The following ADCY8 variants were observed in gnomAD, a reference collection of about 807,000 sequenced individuals.
ADCY8 encodes adenylate cyclase type 8.
ADCY8 carries 51 observed loss-of-function variants against 119.7 expected under a neutral mutation model. That is an observed-to-expected ratio of 0.43 (90% CI 0.34 to 0.54). The LOEUF (loss-of-function observed/expected upper bound fraction) is 0.54. ADCY8 is among the 20% of genes least tolerant of loss of function. The pLI is 0.03. For synonymous variants in ADCY8, 665 were observed against 651.0 expected, an observed-to-expected ratio of 1.02 and a Z score of -0.33; for missense variants, 1,383 against 1,598.8, an observed-to-expected ratio of 0.87 and a Z score of 2.30.
At chr8:130,896,256 C>T (rs543616159) in intron 7 of ADCY8, among the ~76,000 whole-genome samples, 4 of 152,250 alleles carry the variant, frequency 2.6e-5, no homozygotes, top group Non-Finnish European at 4.4e-5. Flanking sequence ...GCCCCACCTT[C>T]GTCTCTATCC....
rs1415248233 is a variant in ADCY8, at chr8:130,840,480, A to G, written c.2503-4031T>C. 2.1e-5 allele frequency among the ~76,000 whole-genome samples: 2 copies of G among 96,204 alleles called. 1 individual carries two copies. The highest frequency in any genetic ancestry group is 7.5e-4 in the East Asian group (2 of 2,662). The allele number at this position is 96,204 out of a possible 152,430, so 63.1% of individuals were successfully genotyped here. On this transcript the variant is annotated intron_variant, in intron 11 of 17. Transcript: ENST00000286355. ...TGAAGAAACATGTGCCCGAAGAATA[A>G]AGAGCTCTATATACAAGAGTTTTCA...
In ADCY8 at chr8:130,967,524, T is replaced by C. The variant is rs1821797533; in HGVS notation, c.1111-15526A>G. 2.0e-5 allele frequency among the ~76,000 whole-genome samples: 3 copies of C among 152,182 alleles called. No homozygotes were observed. The South Asian group carries it at 6.2e-4, about 32-fold the overall frequency. ...TAAATGACAAAGCTCCTTATGAAAATGCTCCTTATAAAGGTGATTAGAAAA... is the reference window on the plus strand; with the variant it reads ...TAAATGACAAAGCTCCTTATGAAAACGCTCCTTATAAAGGTGATTAGAAAA... On this transcript the variant is annotated intron_variant, in intron 2 of 17. Coordinates refer to ENST00000286355, the MANE Select transcript of ADCY8 (RefSeq NM_001115.3).
intron 7 of ADCY8, among the ~76,000 whole-genome samples, chr8:130,889,996 T>G (rs1254097365): frequency 6.6e-6 from 1 of 152,108 alleles, no homozygotes; most frequent in African/African-American, 2.4e-5. Context: ...TGATTGTTTC[T>G]CTAGACTATG....
intron 11 of ADCY8, among the ~76,000 whole-genome samples, chr8:130,845,096 T>C (rs1056898188): frequency 1.3e-5 from 2 of 152,132 alleles, no homozygotes; most frequent in East Asian, 1.9e-4. Context: ...AATTAACCAA[T>C]AAGGAAGGCC....
intron 1 of ADCY8, among the ~76,000 whole-genome samples, chr8:131,015,046 G>A (rs1479963012): frequency 6.6e-6 from 1 of 152,134 alleles, no homozygotes; most frequent in East Asian, 1.9e-4. Context: ...CTTACCCAGG[G>A]CACATGCTAT....
At chr8:130,851,060 C>A (rs1003184193) in intron 9 of ADCY8, among the ~76,000 whole-genome samples, 13 of 152,284 alleles carry the variant, frequency 8.5e-5, no homozygotes, top group African/African-American at 3.1e-4. Context: ...TTATACCGTT[C>A]TGATATTCTA....
At chr8:130,858,783 G>A (rs1817830272) in intron 9 of ADCY8, among the ~76,000 whole-genome samples, 1 of 151,884 alleles carries the variant, frequency 6.6e-6, no homozygotes, top group Admixed American at 6.6e-5. Context: ...TTTATATTGT[G>A]GATTATAAAT....
chr8:130,855,454 A>G (rs116519193), intron 9 of ADCY8, among the ~76,000 whole-genome samples: 1,985 of 152,066 alleles, frequency 0.013, 41 homozygotes, highest in African/African-American at 0.046. Flanking sequence ...GCTGTATTTC[A>G]GTTATGGGCT....
At chr8:131,013,182 GC>G (rs1823364650) in intron 1 of ADCY8, among the ~76,000 whole-genome samples, 3 of 152,118 alleles carry the variant, frequency 2.0e-5, no homozygotes, top group African/African-American at 7.2e-5. Context: ...GACAAATTAG[GC>G]CCCTTCCCAA....
rs945182365 is a variant in ADCY8 at position 131,040,631 on chromosome 8, C to T, written c.-298G>A. ...CTATTTGTCCTCAGGAGCCGCAGCG[C>T]TGTGAGCCACGCAGCCCCTTCCTGG... is the stretch of plus-strand genomic sequence containing the variant. On this transcript the variant is annotated 5_prime_UTR_variant, in exon 1 of 18. Coordinates refer to ENST00000286355, the MANE Select transcript of ADCY8 (RefSeq NM_001115.3). The T allele has an allele frequency of 3.4e-6, 1 of 290,896 alleles. No homozygotes were observed. The highest frequency in any genetic ancestry group is 6.3e-6 in the Non-Finnish European group (1 of 158,640). 18.0% of individuals were successfully genotyped at this position (290,896 alleles called of 1,614,324 possible).
At chr8:130,963,011 C>T (rs954427284) in intron 2 of ADCY8, among the ~76,000 whole-genome samples, 10 of 152,062 alleles carry the variant, frequency 6.6e-5, no homozygotes, top group African/African-American at 1.9e-4. Flanking sequence ...TTCCATTATA[C>T]GTATGAAGAT....
chr8:130,931,463 G>GT (rs1158190700), intron 5 of ADCY8, among the ~76,000 whole-genome samples: 1 of 152,092 alleles, frequency 6.6e-6, no homozygotes, highest in African/African-American at 2.4e-5. Context: ...TGACTTTCAT[G>GT]TACCTGGATA....
intron 8 of ADCY8, among the ~76,000 whole-genome samples, chr8:130,881,555 A>G (rs987047896): frequency 1.3e-5 from 2 of 152,178 alleles, no homozygotes; most frequent in Admixed American, 6.5e-5. Flanking sequence ...TTCAGAAAAC[A>G]TACTTTTATG....
At chr8:130,904,365 ATT>A (rs35578806) in intron 6 of ADCY8, among the ~76,000 whole-genome samples, 2 of 151,460 alleles carry the variant, frequency 1.3e-5, no homozygotes, top group Non-Finnish European at 2.9e-5. Context: ...CAAAACAGTG[ATT>A]TTTTTTTTCA....
In ADCY8 at chr8:130,784,852, T is replaced by C. The variant is rs559857925; in HGVS notation, c.3153+531A>G. 5.3e-3 allele frequency among the ~76,000 whole-genome samples: 512 copies of C among 96,264 alleles called. 1 individual carries two copies. Among genetic ancestry groups the C allele is most frequent in the Non-Finnish European group, 9.6e-3 (408 of 42,430 alleles). 63.2% of individuals were successfully genotyped at this position (96,264 alleles called of 152,430 possible). On this transcript the variant is annotated intron_variant, in intron 16 of 17. Transcript: ENST00000286355. The stretch of plus-strand genomic sequence containing the variant: ...CATTTCCCCAAGTATCTTGGACTCA[T>C]ATTCTTTTAACACTAATTGAGGACT...
chr8:130,887,846 T>TA (rs1361795118), intron 7 of ADCY8, among the ~76,000 whole-genome samples: 1 of 137,472 alleles, frequency 7.3e-6, no homozygotes, highest in Non-Finnish European at 1.6e-5. Context: ...GTTACCAACA[T>TA]AAAAAATCCA....
chr8:130,870,975 T>G (rs1041588744), intron 8 of ADCY8, among the ~76,000 whole-genome samples: 9 of 152,236 alleles, frequency 5.9e-5, no homozygotes, highest in Non-Finnish European at 1.2e-4. Flanking sequence ...TCTATTATTT[T>G]CCTGTTTGAA....
chr8:130,959,560 G>A (rs895663530), intron 2 of ADCY8, among the ~76,000 whole-genome samples: 5 of 152,192 alleles, frequency 3.3e-5, no homozygotes, highest in African/African-American at 1.2e-4. Context: ...AGTTGAGGTA[G>A]TAATCAAATA....
intron 10 of ADCY8, among the ~76,000 whole-genome samples, chr8:130,848,370 C>T (rs1817400203): frequency 6.6e-6 from 1 of 152,192 alleles, no homozygotes; most frequent in African/African-American, 2.4e-5. Context: ...TCTCTGCAGC[C>T]TGTGATCAAT....
Sources: gnomAD v4.1 joint callset for allele counts (sites outside exome capture counted in the v4.1 genomes callset) on GRCh38, gnomAD v4.1.1 for gene constraint, MANE v1.5 for transcripts, NCBI Gene and HGNC (gene_info 2026-07-23, HGNC 2026-07-21) for gene names.